Variants in TMEM236 observed in about 807,000 individuals in gnomAD.
The protein encoded by TMEM236 is family with sequence similarity 23, member A.
TMEM236 carries 11 observed loss-of-function variants against 14.7 expected under a neutral mutation model. The ratio of observed to expected loss-of-function variants is 0.75; its 90% CI spans 0.47 to 1.24. TMEM236 has a LOEUF of 1.24. Among genes scored for constraint, TMEM236 ranks in the 50% most tolerant of loss-of-function variants. The pLI is 0.00. For synonymous variants in TMEM236, 182 were observed against 168.6 expected, an observed-to-expected ratio of 1.08 and a Z score of -0.62; for missense variants, 464 against 427.3, an observed-to-expected ratio of 1.09 and a Z score of -0.76.
chr10:17,781,817 AG>A (rs1837756363), intron 3 of TMEM236, among the ~76,000 whole-genome samples: 2 of 151,546 alleles, frequency 1.3e-5, no homozygotes, highest in Non-Finnish European at 2.9e-5. Flanking sequence ...GTTTGGGAGA[AG>A]GGAGAGCTTC....
In TMEM236 at chr10:17,796,966, C is replaced by T. The variant is rs914040863; in HGVS notation, c.*462C>T. The T allele has an allele frequency of 1.9e-4, 33 of 171,152 alleles. No homozygotes were observed. Among genetic ancestry groups the T allele is most frequent in the Non-Finnish European group, 3.3e-4 (26 of 78,500 alleles). 10.6% of individuals were successfully genotyped at this position (171,152 alleles called of 1,614,324 possible). On this transcript the variant is annotated 3_prime_UTR_variant, in exon 4 of 4. Transcript: ENST00000377495. ...CTGCGTATGCAAGGGATCTAGCTTT[C>T]GCTCTTTAAGAAAATCTAATACCTG...
chr10:17,758,049 G>A lies in TMEM236; in HGVS notation c.257+5497G>A, dbSNP rs929956832. Among the ~76,000 whole-genome samples the A allele has an allele frequency of 3.7e-3, 559 of 152,228 alleles. 1 individual carries two copies. The highest frequency in any genetic ancestry group is 0.013 in the African/African-American group (526 of 41,552). ...CTCCCAAAGTGCTGGGATTACAGGC[G>A]TAAGCCACCAGGTGCAGCCAGAAAA... On this transcript the variant is annotated intron_variant, in intron 1 of 3. Transcript: ENST00000377495.
chr10:17,768,726 CATGTGTGT>C (rs1312983896), intron 1 of TMEM236, among the ~76,000 whole-genome samples: 2 of 122,552 alleles, frequency 1.6e-5, no homozygotes, highest in African/African-American at 3.2e-5. Flanking sequence ...GTATACAACT[CATGTGTGT>C]GTGTGTGTGT....
At chr10:17,772,985 G>A (rs1837598704) in intron 2 of TMEM236, among the ~76,000 whole-genome samples, 1 of 152,066 alleles carries the variant, frequency 6.6e-6, no homozygotes, top group South Asian at 2.1e-4. Context: ...GGTCATTCCT[G>A]TTTCTGTAAA....
intron 3 of TMEM236, among the ~76,000 whole-genome samples, chr10:17,795,353 T>A (rs1420498329): frequency 1.3e-5 from 2 of 152,250 alleles, no homozygotes; most frequent in African/African-American, 4.8e-5. Context: ...ATATTGGCGT[T>A]CTTTAACCTC....
chr10:17,761,771 TG>T (rs1483328670), intron 1 of TMEM236, among the ~76,000 whole-genome samples: 6 of 152,246 alleles, frequency 3.9e-5, no homozygotes, highest in Admixed American at 6.5e-5. Context: ...TCCCCTTGCT[TG>T]TAAATCAAAT....
chr10:17,764,495 C>A (rs1440647771), intron 1 of TMEM236, among the ~76,000 whole-genome samples: 3 of 152,278 alleles, frequency 2.0e-5, no homozygotes, highest in African/African-American at 7.2e-5. Flanking sequence ...GTATTTCCAA[C>A]CTAAATTCTG....
At position 17,798,103 on chromosome 10, in the gene TMEM236, T is replaced by C. The variant is rs946655450; in HGVS notation, c.*1599T>C. The C allele has an allele frequency of 3.1e-4, 58 of 187,670 alleles. No individual in the cohort carries two copies. The highest frequency in any genetic ancestry group is 1.3e-3 in the African/African-American group (55 of 41,948). The allele number at this position is 187,670 out of a possible 1,614,324, so 11.6% of individuals were successfully genotyped here. On this transcript the variant is annotated 3_prime_UTR_variant, in exon 4 of 4. Transcript: ENST00000377495. Reference sequence around the variant, plus strand: ...CACTCTGAACAGTCAGCACTGTTCATTTGATAGTAATTTTCAGATGCTAGA... The same window carrying C: ...CACTCTGAACAGTCAGCACTGTTCACTTGATAGTAATTTTCAGATGCTAGA...
intron 2 of TMEM236, among the ~76,000 whole-genome samples, chr10:17,771,890 T>C (rs1316887964): frequency 6.7e-6 from 1 of 149,314 alleles, no homozygotes; most frequent in Admixed American, 6.6e-5. Flanking sequence ...CAGGAATATC[T>C]TAGGCAGAAC....
intron 1 of TMEM236, among the ~76,000 whole-genome samples, chr10:17,762,574 C>CATAT (rs878958449): frequency 5.5e-4 from 29 of 53,044 alleles, no homozygotes; most frequent in East Asian, 1.6e-3. Context: ...ATCTGAATTT[C>CATAT]ATATATATAT....
chr10:17,781,152 C>T (rs1216500085), intron 3 of TMEM236, among the ~76,000 whole-genome samples: 20 of 152,168 alleles, frequency 1.3e-4, no homozygotes, highest in Admixed American at 1.2e-3. Flanking sequence ...CACCTGTACA[C>T]GCTTCCAGCT....
At chr10:17,781,061 AAG>A (rs1554835370) in intron 3 of TMEM236, among the ~76,000 whole-genome samples, 2 of 152,136 alleles carry the variant, frequency 1.3e-5, no homozygotes, top group Non-Finnish European at 2.9e-5. Context: ...GCAGCTGGCA[AAG>A]AGAAGGGAAG....
chr10:17,781,107 G>C (rs1053662676), intron 3 of TMEM236, among the ~76,000 whole-genome samples: 3,430 of 152,256 alleles, frequency 0.023, 110 homozygotes, highest in African/African-American at 0.077. Context: ...CCTAGTCCCA[G>C]GTGGCCTTTT....
chr10:17,769,416 A>G (rs1837530563), intron 1 of TMEM236, among the ~76,000 whole-genome samples: 1 of 152,184 alleles, frequency 6.6e-6, no homozygotes, highest in Non-Finnish European at 1.5e-5. Context: ...TTCAGGAAAA[A>G]CACCAGAATA....
chr10:17,782,691 A>G (rs1480353097), intron 3 of TMEM236, among the ~76,000 whole-genome samples: 2 of 151,922 alleles, frequency 1.3e-5, no homozygotes, highest in East Asian at 1.9e-4. Context: ...ACCTCAAATG[A>G]TCCACCCGCC....
At chr10:17,753,542 T>C (rs1274438103) in intron 1 of TMEM236, among the ~76,000 whole-genome samples, 12 of 152,218 alleles carry the variant, frequency 7.9e-5, no homozygotes, top group African/African-American at 2.9e-4. Context: ...AGTAATGGCC[T>C]CCAGCTCCAT....
intron 3 of TMEM236, among the ~76,000 whole-genome samples, chr10:17,792,655 G>A (rs1374940911): frequency 2.6e-5 from 4 of 152,152 alleles, no homozygotes; most frequent in African/African-American, 7.2e-5. Context: ...ACCAAAAGTC[G>A]TTTCAGCAAC....
chr10:17,781,925 A>G (rs1837758256), intron 3 of TMEM236, among the ~76,000 whole-genome samples: 1 of 152,104 alleles, frequency 6.6e-6, no homozygotes, highest in Admixed American at 6.5e-5. Context: ...AATGTTTAAA[A>G]ATCATTAACC....
At chr10:17,767,784 A>G (rs1026157361) in intron 1 of TMEM236, among the ~76,000 whole-genome samples, 20 of 152,154 alleles carry the variant, frequency 1.3e-4, no homozygotes, top group African/African-American at 4.8e-4. Context: ...AGCTTTTCAG[A>G]CCATGTATCA....
Sources: allele counts gnomAD v4.1 joint callset (sites outside exome capture counted in the v4.1 genomes callset), GRCh38; gene constraint gnomAD v4.1.1; transcripts MANE v1.5; gene names NCBI Gene and HGNC (gene_info 2026-07-23, HGNC 2026-07-21).